Variants in SRP9 observed in about 807,000 individuals in gnomAD.
SRP9 encodes signal recognition particle 9 kDa protein.
In SRP9, 2 loss-of-function variants were observed where a neutral mutation model predicts 11.7. The observed-to-expected ratio is 0.17, with a 90% CI of 0.07 to 0.54. The LOEUF (loss-of-function observed/expected upper bound fraction) is 0.54. Ranked by LOEUF, SRP9 falls within the 20% of genes least tolerant of loss-of-function variation. The pLI is 0.94. For synonymous variants in SRP9, 27 were observed against 35.6 expected, an observed-to-expected ratio of 0.76 and a Z score of 0.86; for missense variants, 54 against 108.1, an observed-to-expected ratio of 0.50 and a Z score of 2.22.
At chr1:225,786,869 G>A in intron 2 of SRP9, 1 of 1,205,542 alleles carries the variant, frequency 8.3e-7, no homozygotes, top group Non-Finnish European at 1.1e-6. Context: ...TAGAGACAGT[G>A]TCTTGCTCTA....
chr1:225,784,638 G>A (rs550286442), intron 2 of SRP9, among the ~76,000 whole-genome samples: 128 of 151,822 alleles, frequency 8.4e-4, no homozygotes, highest in African/African-American at 3.1e-3. Context: ...TCAGGAGATC[G>A]AGACCATCCT....
intron 2 of SRP9, chr1:225,786,933 C>T (rs1665928505): frequency 2.7e-6 from 2 of 747,892 alleles, no homozygotes; most frequent in Non-Finnish European, 4.0e-6. Context: ...TCCTCGACCT[C>T]CTGGGCTCAA....
chr1:225,786,774 C>T (rs1665924794), intron 2 of SRP9: 16 of 1,182,230 alleles, frequency 1.4e-5, no homozygotes, highest in Non-Finnish European at 1.7e-5. Context: ...ATGAAAGTAT[C>T]TAACATGAGT....
At chr1:225,778,084 G>A in intron 1 of SRP9, 72 bp downstream of exon 1, 2 of 1,556,886 alleles carry the variant, frequency 1.3e-6, no homozygotes, top group Non-Finnish European at 8.8e-7. Flanking sequence ...TCGGCCCCTG[G>A]AGCTTCCCCA....
rs1477562432 is a variant in SRP9, at chr1:225,789,418, G to GA, written c.*62dup. On this transcript the variant is annotated 3_prime_UTR_variant, in exon 3 of 3. Transcript: ENST00000304786. ...GGAAGTAAATATCTTTTGAATTAGA[G>GA]AAAGTGTTGGGACAGAAAGTACTTT... 6.8e-7 allele frequency: 1 copy of GA among 1,464,290 alleles called. No individual in the cohort carries two copies. Among genetic ancestry groups the GA allele is most frequent in the African/African-American group, 1.4e-5 (1 of 70,378 alleles). The allele number at this position is 1,464,290 out of a possible 1,614,324, so 90.7% of individuals were successfully genotyped here. A position where few individuals can be genotyped will look rare whatever the true frequency, so the allele number is the denominator to read the frequency against.
intron 2 of SRP9, chr1:225,787,025 G>A (rs1015617381): frequency 1.1e-4 from 35 of 331,886 alleles, no homozygotes; most frequent in Non-Finnish European, 2.0e-4. Flanking sequence ...AAATTTTTTT[G>A]TCAAGACAGG....
At chr1:225,780,372 A>G (rs1323199839) in intron 1 of SRP9, among the ~76,000 whole-genome samples, 1 of 151,292 alleles carries the variant, frequency 6.6e-6, no homozygotes, top group Admixed American at 6.6e-5. Context: ...AGAGCTTAAC[A>G]GTTTTTTTTG....
chr1:225,788,207 C>T (rs1170129048), intron 2 of SRP9, among the ~76,000 whole-genome samples: 1 of 151,868 alleles, frequency 6.6e-6, no homozygotes, highest in Non-Finnish European at 1.5e-5. Flanking sequence ...CAAGCCTGGG[C>T]AACATGGAGA....
Position 225,783,372 on chromosome 1 carries a change from A to C in SRP9, c.141+4A>C. ...TAAAGTAACAGATGATTTAGTTGTA[A>C]GTATACATTTTTATTTGTTACATAC... On this transcript the variant is annotated splice_donor_region_variant and intron_variant, in intron 2 of 2. Coordinates refer to ENST00000304786, the MANE Select transcript of SRP9 (RefSeq NM_003133.6). The C allele has an allele frequency of 6.2e-7, 1 of 1,600,202 alleles. No homozygotes were observed. Among genetic ancestry groups the C allele is most frequent in the Non-Finnish European group, 8.6e-7 (1 of 1,168,988 alleles).
chr1:225,778,153 C>A, intron 1 of SRP9, 141 bp downstream of exon 1: 1 of 941,710 alleles, frequency 1.1e-6, no homozygotes. Flanking sequence ...TAATGTTCTG[C>A]TCTCTCGTCC....
intron 2 of SRP9, 45 bp from the exon 3 acceptor site, chr1:225,789,195 A>G (rs1665977072): frequency 1.9e-6 from 3 of 1,585,356 alleles, no homozygotes; most frequent in African/African-American, 2.7e-5. Context: ...CATTGTCAGT[A>G]TCTAGTTTTA....
Position 225,790,211 on chromosome 1 carries a change from C to G in SRP9, c.*852C>G, listed in dbSNP as rs1355441374. 1.3e-5 allele frequency: 2 copies of G among 152,142 alleles called. No homozygotes were observed. The highest frequency in any genetic ancestry group is 6.5e-5 in the Admixed American group (1 of 15,276). 9.4% of individuals were successfully genotyped at this position (152,142 alleles called of 1,614,324 possible). On this transcript the variant is annotated 3_prime_UTR_variant, in exon 3 of 3. Transcript: ENST00000304786. Reference sequence around the variant, plus strand: ...TGCCCATTTTCTGTCTTTAATTAACCAAGGTGTTAGGTGTGACTGTCACAA... The same window carrying G: ...TGCCCATTTTCTGTCTTTAATTAACGAAGGTGTTAGGTGTGACTGTCACAA...
intron 2 of SRP9, among the ~76,000 whole-genome samples, chr1:225,784,694 T>C (rs1665864394): frequency 6.6e-6 from 1 of 151,658 alleles, no homozygotes; most frequent in Non-Finnish European, 1.5e-5. Flanking sequence ...ACAAAAAAAT[T>C]AGCCAGGCAT....
chr1:225,787,247 G>A (rs1397998597), intron 2 of SRP9, among the ~76,000 whole-genome samples: 3 of 152,078 alleles, frequency 2.0e-5, no homozygotes, highest in Non-Finnish European at 4.4e-5. Context: ...TAAAAATAGG[G>A]GAATAGGCCG....
At position 225,789,571 on chromosome 1, in the gene SRP9, C is replaced by G. The variant is rs12043546; in HGVS notation, c.*212C>G. 670 of 399,098 alleles carry G rather than the reference C, an allele frequency of 1.7e-3. 14 individuals are homozygous for G. The East Asian group carries it at 0.027, about 16-fold the overall frequency. The allele number at this position is 399,098 out of a possible 1,614,324, so 24.7% of individuals were successfully genotyped here. On this transcript the variant is annotated 3_prime_UTR_variant, in exon 3 of 3. Transcript: ENST00000304786. ...CCTTTATTTACTTTTGGAAATTGAA[C>G]AAGAAATGCATCTGTCTTAGAAACT...
intron 1 of SRP9, among the ~76,000 whole-genome samples, chr1:225,782,400 A>G (rs1665818913): frequency 6.6e-6 from 1 of 151,996 alleles, no homozygotes; most frequent in South Asian, 2.1e-4. Flanking sequence ...TCCTGACTTT[A>G]TGATCCACCC....
At chr1:225,781,726 A>C (rs948981284) in intron 1 of SRP9, among the ~76,000 whole-genome samples, 1 of 152,116 alleles carries the variant, frequency 6.6e-6, no homozygotes, top group African/African-American at 2.4e-5. Flanking sequence ...CATTTCTCCT[A>C]AATGAAACCA....
intron 2 of SRP9, chr1:225,788,941 G>A (rs1399208890): frequency 4.1e-6 from 6 of 1,462,718 alleles, no homozygotes; most frequent in Admixed American, 2.4e-5. Context: ...CTAATTCTAA[G>A]TCTTGAGTTC....
intron 1 of SRP9, among the ~76,000 whole-genome samples, chr1:225,782,455 C>T (rs531952456): frequency 6.6e-5 from 10 of 152,136 alleles, no homozygotes; most frequent in Admixed American, 3.3e-4. Context: ...TGAGCCACCG[C>T]GCCTGGCCGA....
Sources: allele counts gnomAD v4.1 joint callset (sites outside exome capture counted in the v4.1 genomes callset), GRCh38; gene constraint gnomAD v4.1.1; transcripts MANE v1.5; gene names NCBI Gene and HGNC (gene_info 2026-07-23, HGNC 2026-07-21).